The following RAB11FIP4 variants were observed in gnomAD, a reference collection of about 807,000 sequenced individuals.
RAB11FIP4 encodes the protein RAB11 family interacting protein 4.
A neutral mutation model predicts 74.3 loss-of-function variants in RAB11FIP4; 23 were observed. The ratio of observed to expected loss-of-function variants is 0.31; its 90% confidence interval spans 0.22 to 0.44. The LOEUF (loss-of-function observed/expected upper bound fraction) is 0.44, where lower values mean the gene tolerates loss of function less well. Ranked by LOEUF, RAB11FIP4 falls within the 20% of genes least tolerant of loss-of-function variation. RAB11FIP4 has a pLI of 1.00. For missense variants in RAB11FIP4, 630 were observed against 863.9 expected, an observed-to-expected ratio of 0.73 and a Z score of 3.39; for synonymous variants, 360 against 359.9, an observed-to-expected ratio of 1.00 and a Z score of 0.00.
chr17:31,492,218 T>C (rs2072022667), intron 3 of RAB11FIP4, among the ~76,000 whole-genome samples: 1 of 152,230 alleles, frequency 6.6e-6, no homozygotes, highest in Admixed American at 6.5e-5. Flanking sequence ...TCCCTCTGCC[T>C]GTGGCAGGCA....
At chr17:31,511,420 C>T (rs1327225481) in intron 3 of RAB11FIP4, among the ~76,000 whole-genome samples, 1 of 152,228 alleles carries the variant, frequency 6.6e-6, no homozygotes, top group African/African-American at 2.4e-5. Context: ...GCAGTGACCA[C>T]ACCAGAGTCG....
At chr17:31,495,126 T>C (rs1246851744) in intron 3 of RAB11FIP4, among the ~76,000 whole-genome samples, 1 of 152,234 alleles carries the variant, frequency 6.6e-6, no homozygotes, top group African/African-American at 2.4e-5. Flanking sequence ...GCCCCCAGCA[T>C]CTGCCTTATT....
Position 31,537,516 on chromosome 17 carries a change from G to A in RAB11FIP4, c.*5784G>A. On this transcript the variant is annotated 3_prime_UTR_variant, in exon 15 of 15. Transcript: ENST00000621161. ...TTCCCTGCATTGTTAGTGATGTCGG[G>A]CAAAGCATCACTCTTTAACCTGGGG... 3.6e-6 allele frequency: 1 copy of A among 276,508 alleles called. No homozygotes were observed. The highest frequency in any genetic ancestry group is 6.8e-6 in the Non-Finnish European group (1 of 148,056). 17.1% of individuals were successfully genotyped at this position (276,508 alleles called of 1,614,324 possible).
intron 1 of RAB11FIP4, 56 bp downstream of exon 1, chr17:31,392,067 CCTCCCCCAG>C: frequency 8.7e-7 from 1 of 1,150,766 alleles, no homozygotes; most frequent in Non-Finnish European, 1.1e-6. Flanking sequence ...CCCCGCCGCC[CCTCCCCCAG>C]CTCCCCCGCC....
chr17:31,471,817 G>A (rs1449475513), intron 3 of RAB11FIP4, among the ~76,000 whole-genome samples: 1 of 152,200 alleles, frequency 6.6e-6, no homozygotes, highest in Non-Finnish European at 1.5e-5. Flanking sequence ...ATGTGTGTCT[G>A]AAACAGGGAG....
chr17:31,451,138 A>G (rs1419620286), intron 3 of RAB11FIP4, among the ~76,000 whole-genome samples: 1 of 152,086 alleles, frequency 6.6e-6, no homozygotes, highest in Non-Finnish European at 1.5e-5. Context: ...TGTGGTCCAT[A>G]TGACACCGGA....
chr17:31,528,577 T>TC, intron 12 of RAB11FIP4, 34 bp downstream of exon 12: 2 of 1,613,468 alleles, frequency 1.2e-6, no homozygotes, highest in South Asian at 2.2e-5. Flanking sequence ...CAGGGCTCCT[T>TC]CCAGCATCCC....
chr17:31,489,077 A>G (rs768591245), intron 3 of RAB11FIP4, among the ~76,000 whole-genome samples: 2 of 152,172 alleles, frequency 1.3e-5, no homozygotes, highest in Non-Finnish European at 2.9e-5. Flanking sequence ...GGGCCATGCC[A>G]GTTTTCCTTG....
At chr17:31,400,274 G>T (rs186552989) in intron 1 of RAB11FIP4, among the ~76,000 whole-genome samples, 1 of 152,336 alleles carries the variant, frequency 6.6e-6, no homozygotes, top group East Asian at 1.9e-4. Flanking sequence ...GTCATAGATG[G>T]CTATTGAGGT....
intron 3 of RAB11FIP4, among the ~76,000 whole-genome samples, chr17:31,447,070 G>T (rs1251485584): frequency 2.0e-5 from 3 of 152,152 alleles, no homozygotes; most frequent in Admixed American, 2.0e-4. Flanking sequence ...GGATCACGAG[G>T]TCAGGAGATC....
Position 31,522,069 on chromosome 17 carries a change from G to A in RAB11FIP4, c.893+20G>A, listed in dbSNP as rs755905554. The A allele has an allele frequency of 6.2e-6, 10 of 1,612,008 alleles. No individual in the cohort carries two copies. The highest frequency in any genetic ancestry group is 3.3e-5 in the Admixed American group (2 of 60,014). ...CAACAGGTGAGGCCCAGGCCCAGCT[G>A]GGGGGTGAGAGGCCGGGGGGCCAGG... On this transcript the variant is annotated intron_variant, in intron 6 of 14. Transcript: ENST00000621161.
At chr17:31,445,000 T>G (rs1404695436) in intron 3 of RAB11FIP4, among the ~76,000 whole-genome samples, 3 of 151,652 alleles carry the variant, frequency 2.0e-5, no homozygotes, top group African/African-American at 7.3e-5. Flanking sequence ...GAAAGCACGG[T>G]CGAAACCAGT....
At chr17:31,491,365 A>T (rs970258699) in intron 3 of RAB11FIP4, among the ~76,000 whole-genome samples, 5 of 152,252 alleles carry the variant, frequency 3.3e-5, no homozygotes, top group African/African-American at 1.2e-4. Flanking sequence ...TGAACAAAAC[A>T]GACGAGAACC....
chr17:31,481,457 C>A, intron 3 of RAB11FIP4, among the ~76,000 whole-genome samples: 1 of 152,110 alleles, frequency 6.6e-6, no homozygotes, highest in Admixed American at 6.6e-5. Context: ...AATAGCCAAT[C>A]AGAGACATGG....
At chr17:31,523,276 GC>G in intron 7 of RAB11FIP4, 1 of 569,864 alleles carries the variant, frequency 1.8e-6, no homozygotes, top group East Asian at 2.9e-5. Context: ...GAGAAGCTGT[GC>G]GTCATTGGCT....
intron 1 of RAB11FIP4, 154 bp downstream of exon 1, chr17:31,392,165 C>A (rs2070880089): frequency 5.2e-6 from 3 of 573,410 alleles, no homozygotes; most frequent in East Asian, 7.8e-5. Flanking sequence ...TCGGCCCCCC[C>A]CGGGTATCCC....
chr17:31,431,733 TC>T (rs1324192809), intron 1 of RAB11FIP4, 79 bp from the exon 2 acceptor site: 3 of 524,566 alleles, frequency 5.7e-6, no homozygotes, highest in Admixed American at 4.0e-5. Flanking sequence ...CCTCCCTCCC[TC>T]CCAGCCTCCC....
At chr17:31,513,106 G>T (rs1024272271) in intron 3 of RAB11FIP4, among the ~76,000 whole-genome samples, 2 of 152,194 alleles carry the variant, frequency 1.3e-5, no homozygotes, top group Non-Finnish European at 2.9e-5. Flanking sequence ...GTGCGGTGAG[G>T]TGGGGTGATG....
chr17:31,517,582 G>A, intron 3 of RAB11FIP4, 69 bp from the exon 4 acceptor site: 1 of 1,439,570 alleles, frequency 6.9e-7, no homozygotes, highest in Non-Finnish European at 9.6e-7. Context: ...ATGCCCTTGT[G>A]GTCTGATTGG....
Sources: gnomAD v4.1 joint callset for allele counts (sites outside exome capture counted in the v4.1 genomes callset) on GRCh38, gnomAD v4.1.1 for gene constraint, MANE v1.5 for transcripts, NCBI Gene and HGNC (gene_info 2026-07-23, HGNC 2026-07-21) for gene names.